FAT4: variants seen among roughly 807,000 people sequenced by gnomAD.
The protein encoded by FAT4 is protocadherin Fat 4.
A neutral mutation model predicts 303.9 loss-of-function variants in FAT4; 84 were observed. The observed-to-expected ratio is 0.28, with a 90% confidence interval of 0.23 to 0.33. The LOEUF (loss-of-function observed/expected upper bound fraction) is 0.33, where lower values mean the gene tolerates loss of function less well. Among genes scored for constraint, FAT4 ranks in the 10% least tolerant of loss-of-function variants. FAT4 has a pLI of 1.00. For synonymous variants in FAT4, 2,307 were observed against 2,298.8 expected, an observed-to-expected ratio of 1.00 and a Z score of -0.10; for missense variants, 6,005 against 6,146.8, an observed-to-expected ratio of 0.98 and a Z score of 0.77.
chr4:125,362,306 G>A (rs974701557), intron 2 of FAT4, among the ~76,000 whole-genome samples: 3 of 152,082 alleles, frequency 2.0e-5, no homozygotes, highest in Non-Finnish European at 4.4e-5. Context: ...ACTGTAAATA[G>A]ATTGAGGGCA....
chr4:125,408,426 A>T lies in FAT4; in HGVS notation c.5570-18A>T. ...CTTACTTCCTTGATTTTATACTATT[A>T]ATTTATTCTTTTGATAGGTTCTTTG... is the stretch of plus-strand genomic sequence containing the variant. On this transcript the variant is annotated intron_variant, in intron 4 of 17. Coordinates refer to ENST00000394329, the MANE Select transcript of FAT4 (RefSeq NM_001291303.3). 1 of 1,488,004 alleles carries T rather than the reference A, an allele frequency of 6.7e-7. No individual in the cohort carries two copies. Among genetic ancestry groups the T allele is most frequent in the Non-Finnish European group, 9.1e-7 (1 of 1,094,142 alleles). The allele number at this position is 1,488,004 out of a possible 1,614,324, so 92.2% of individuals were successfully genotyped here. A position where few individuals can be genotyped will look rare whatever the true frequency, so the allele number is the denominator to read the frequency against.
chr4:125,391,018 C>T (rs1374581089), intron 2 of FAT4, among the ~76,000 whole-genome samples: 1 of 152,030 alleles, frequency 6.6e-6, no homozygotes, highest in Non-Finnish European at 1.5e-5. Context: ...AGTCAGGAAA[C>T]AATAGATGCT....
Position 125,317,398 on chromosome 4 carries a change from C to T in FAT4, c.987C>T (p.Gly329=), listed in dbSNP as rs201547149. The change falls in exon 2 of 18, where the codon GGC becomes GGT. Residue 329 remains glycine (G), a synonymous_variant. Coordinates refer to ENST00000394329, the MANE Select transcript of FAT4 (RefSeq NM_001291303.3). This position sits in a 1 kb window ranked among gnomAD's most constrained non-coding sequence, Gnocchi z 7.0. The part of the protein sequence containing the change: ...YSLTVQAMDR[G]VPSLTGRAEA... ...TTACGGTGCAGGCGATGGACAGAGG[C>T]GTGCCTTCCCTCACTGGGCGCGCCG... The T allele has an allele frequency of 2.3e-5, 37 of 1,613,392 alleles. No homozygotes were observed. Among genetic ancestry groups the T allele is most frequent in the Admixed American group, 6.7e-5 (4 of 60,016 alleles).
intron 2 of FAT4, among the ~76,000 whole-genome samples, chr4:125,356,404 A>G (rs1422026216): frequency 2.0e-5 from 3 of 152,026 alleles, no homozygotes; most frequent in African/African-American, 7.2e-5. Context: ...ACTAATATGT[A>G]ACAGATTGTT....
At chr4:125,424,221 C>G (rs757513358) in intron 7 of FAT4, among the ~76,000 whole-genome samples, 3 of 152,062 alleles carry the variant, frequency 2.0e-5, no homozygotes, top group Non-Finnish European at 4.4e-5. Context: ...ATTGTAGTTC[C>G]CTTAATCCCC....
At chr4:125,387,292 A>C (rs1336836563) in intron 2 of FAT4, among the ~76,000 whole-genome samples, 1 of 152,224 alleles carries the variant, frequency 6.6e-6, no homozygotes, top group East Asian at 1.9e-4. Context: ...ACTACTATGC[A>C]AATGTGAAAT....
chr4:125,441,775 A>G (rs749283907), intron 8 of FAT4, among the ~76,000 whole-genome samples: 2 of 152,204 alleles, frequency 1.3e-5, no homozygotes, highest in Non-Finnish European at 2.9e-5. Context: ...GGCCCCAGCT[A>G]ATTCTGCAAA....
In FAT4 at chr4:125,450,422, A is replaced by AT; in HGVS notation, c.9417dup (p.Ala3140CysfsTer16). The AT allele has an allele frequency of 6.2e-7, 1 of 1,614,140 alleles. No homozygotes were observed. The highest frequency in any genetic ancestry group is 8.5e-7 in the Non-Finnish European group (1 of 1,180,010). Reference sequence around the variant, plus strand: ...CATTTCTTCAGGAAATGAAGAAGGCATTTTTGCAATCAATTCTTCTACAGG... The same window carrying AT: ...CATTTCTTCAGGAAATGAAGAAGGCATTTTTTGCAATCAATTCTTCTACAGG... On this transcript the variant is annotated frameshift_variant, in exon 10 of 18. Coordinates refer to ENST00000394329, the MANE Select transcript of FAT4 (RefSeq NM_001291303.3). LOFTEE classifies it high-confidence loss of function.
intron 2 of FAT4, among the ~76,000 whole-genome samples, chr4:125,394,402 TGCTG>T (rs1734087842): frequency 6.6e-6 from 1 of 152,318 alleles, no homozygotes; most frequent in Middle Eastern, 3.4e-3. Flanking sequence ...AGAGGGGCAA[TGCTG>T]GCACTGAAAG....
rs1411583437 is a variant in FAT4, at chr4:125,415,027, G to A, written c.6064G>A (p.Asp2022Asn). 1.9e-6 allele frequency: 3 copies of A among 1,614,020 alleles called. No homozygotes were observed. Among genetic ancestry groups the A allele is most frequent in the Non-Finnish European group, 2.5e-6 (3 of 1,179,954 alleles). Residue 2022 changes from aspartate to asparagine, a missense_variant, in exon 6 of 18, where the codon GAC (aspartate) becomes AAC (asparagine). By Grantham distance (23) the Asp-to-Asn change is conservative. Coordinates refer to ENST00000394329, the MANE Select transcript of FAT4 (RefSeq NM_001291303.3). ...SFYNLVVQVH[D>N]LPQIPASRFT... is the part of the protein sequence containing the mutation. ...CTACAACTTGGTTGTTCAAGTGCAT[G>A]ACCTGCCACAGATTCCAGCCTCCAG... is the stretch of plus-strand genomic sequence containing the variant.
intron 2 of FAT4, among the ~76,000 whole-genome samples, chr4:125,359,952 T>C (rs1732589625): frequency 6.6e-6 from 1 of 152,140 alleles, no homozygotes; most frequent in Non-Finnish European, 1.5e-5. Context: ...ACACTACTTA[T>C]TGACTCTCCA....
intron 14 of FAT4, among the ~76,000 whole-genome samples, chr4:125,477,549 ATAT>A (rs1727074419): frequency 9.9e-5 from 1 of 10,116 alleles, no homozygotes. Flanking sequence ...TTATACATAT[ATAT>A]ATATATATAT....
intron 7 of FAT4, among the ~76,000 whole-genome samples, chr4:125,419,911 A>T (rs961948179): frequency 2.6e-5 from 4 of 152,228 alleles, no homozygotes; most frequent in African/African-American, 9.6e-5. Context: ...GCCAATGCCA[A>T]CCAATCAATC....
intron 7 of FAT4, among the ~76,000 whole-genome samples, chr4:125,425,053 A>T (rs926942333): frequency 1.3e-5 from 2 of 152,218 alleles, no homozygotes; most frequent in Admixed American, 1.3e-4. Flanking sequence ...TAAATATAAA[A>T]GTTTAGTTCT....
chr4:125,380,050 C>T (rs1282937247), intron 2 of FAT4, among the ~76,000 whole-genome samples: 1 of 152,074 alleles, frequency 6.6e-6, no homozygotes, highest in East Asian at 1.9e-4. Context: ...TATGCCACCA[C>T]ATCCGGCTAA....
rs1181537337 is a variant in FAT4 at position 125,491,460 on chromosome 4, G to A, written c.14644G>A (p.Asp4882Asn). ...LSQVNESDAD[D>N]EDNYGARLKP... Reference sequence around the variant, plus strand: ...TCAAGTCAATGAATCTGATGCAGATGATGAAGATAATTATGGAGCCAGACT... The same window carrying A: ...TCAAGTCAATGAATCTGATGCAGATAATGAAGATAATTATGGAGCCAGACT... The change falls in exon 18 of 18, where the codon GAT becomes AAT. Residue 4882 changes from aspartate to asparagine, a missense_variant. Physicochemically the swap from Asp to Asn is conservative, Grantham distance 23. Transcript: ENST00000394329. 2.5e-6 allele frequency: 4 copies of A among 1,614,196 alleles called. No individual in the cohort carries two copies. The highest frequency in any genetic ancestry group is 2.5e-6 in the Non-Finnish European group (3 of 1,180,030).
At chr4:125,421,775 A>G (rs751425881) in intron 7 of FAT4, among the ~76,000 whole-genome samples, 1 of 152,120 alleles carries the variant, frequency 6.6e-6, no homozygotes, top group Non-Finnish European at 1.5e-5. Context: ...TCCAGATAAG[A>G]AAATTGAAGG....
intron 2 of FAT4, among the ~76,000 whole-genome samples, chr4:125,385,009 T>C (rs918485827): frequency 2.3e-4 from 15 of 65,966 alleles, no homozygotes; most frequent in Non-Finnish European, 4.3e-4. Flanking sequence ...TACATATATA[T>C]ATATATATAT....
chr4:125,441,820 T>TGCTCATGGGACAA (rs1268920495), intron 8 of FAT4, among the ~76,000 whole-genome samples: 4 of 152,212 alleles, frequency 2.6e-5, no homozygotes, highest in African/African-American at 9.6e-5. Flanking sequence ...TCAGTATTAC[T>TGCTCATGGGACAA]GGATCATTTT....
Sources: allele counts gnomAD v4.1 joint callset (sites outside exome capture counted in the v4.1 genomes callset), GRCh38; gene constraint gnomAD v4.1.1; non-coding constraint Gnocchi (gnomAD v3.1); transcripts MANE v1.5; gene names NCBI Gene and HGNC (gene_info 2026-07-23, HGNC 2026-07-21).